TMEM38B: variants seen among roughly 807,000 people sequenced by gnomAD.
TMEM38B encodes trimeric intracellular cation channel type B.
A neutral mutation model predicts 28.7 loss-of-function variants in TMEM38B; 24 were observed. The ratio of observed to expected loss-of-function variants is 0.84; its 90% CI spans 0.61 to 1.18. The LOEUF (loss-of-function observed/expected upper bound fraction) is 1.18. TMEM38B is among the 50% of genes most tolerant of loss of function. The probability of loss-of-function intolerance (pLI) is 0.00; values close to 1 mark genes in which losing one functional copy is unlikely to be tolerated. For missense variants in TMEM38B, 380 were observed against 350.9 expected (o/e 1.08, Z -0.66); for synonymous variants, 131 against 127.7 (o/e 1.03, Z -0.17).
At chr9:105,732,042 T>C (rs1836771373) in intron 4 of TMEM38B, among the ~76,000 whole-genome samples, 1 of 152,226 alleles carries the variant, frequency 6.6e-6, no homozygotes, top group African/African-American at 2.4e-5. Flanking sequence ...TTGATTTGCA[T>C]TTCTCTCATG....
Position 105,731,377 on chromosome 9 carries a change from A to G in TMEM38B, c.542+8756A>G, listed in dbSNP as rs1836740712. Among the ~76,000 whole-genome samples, 3 of 151,952 alleles carry G rather than the reference A, an allele frequency of 2.0e-5. No individual in the cohort carries two copies. The South Asian group carries it at 6.2e-4, about 32-fold the overall frequency. On this transcript the variant is annotated intron_variant, in intron 4 of 5. Transcript: ENST00000374692. Reference sequence around the variant, plus strand: ...AAGTGCAGGTTTGTTACATATGTATACATGTGTCATGTTGGTGTGCTGCAC... The same window carrying G: ...AAGTGCAGGTTTGTTACATATGTATGCATGTGTCATGTTGGTGTGCTGCAC...
At chr9:105,762,586 C>T (rs1838102187) in intron 5 of TMEM38B, among the ~76,000 whole-genome samples, 1 of 142,952 alleles carries the variant, frequency 7.0e-6, no homozygotes, top group South Asian at 2.3e-4. Context: ...AGGACATGAA[C>T]TCATCATTTT....
intron 4 of TMEM38B, among the ~76,000 whole-genome samples, chr9:105,732,292 T>A (rs1477193564): frequency 6.6e-6 from 1 of 152,244 alleles, no homozygotes; most frequent in African/African-American, 2.4e-5. Context: ...TCTTTTGCTG[T>A]GCAGAAGCTC....
intron 4 of TMEM38B, among the ~76,000 whole-genome samples, chr9:105,728,767 C>T (rs1027211857): frequency 3.3e-5 from 5 of 152,138 alleles, no homozygotes; most frequent in Non-Finnish European, 5.9e-5. Flanking sequence ...TAATGATCGC[C>T]CTTCTGACTG....
intron 1 of TMEM38B, 29 bp from the exon 2 acceptor site, chr9:105,705,568 A>G (rs1276285929): frequency 1.2e-6 from 2 of 1,600,016 alleles, no homozygotes; most frequent in Admixed American, 3.4e-5. Context: ...TATAATGATC[A>G]CAGACCATAT....
At chr9:105,739,311 T>G (rs1837102194) in intron 4 of TMEM38B, among the ~76,000 whole-genome samples, 1 of 152,086 alleles carries the variant, frequency 6.6e-6, no homozygotes, top group Non-Finnish European at 1.5e-5. Flanking sequence ...GGTTCTTTTT[T>G]TTTTTTTTCC....
chr9:105,738,217 G>C (rs1837055411), intron 4 of TMEM38B, among the ~76,000 whole-genome samples: 1 of 152,024 alleles, frequency 6.6e-6, no homozygotes, highest in Non-Finnish European at 1.5e-5. Flanking sequence ...TACCTATGAG[G>C]TCTGCAGAAG....
At chr9:105,729,618 A>C (rs551285423) in intron 4 of TMEM38B, among the ~76,000 whole-genome samples, 1 of 152,182 alleles carries the variant, frequency 6.6e-6, no homozygotes, top group African/African-American at 2.4e-5. Context: ...TTCTGTGAAG[A>C]AAGTCATTGG....
At chr9:105,704,001 A>G (rs1033658167) in intron 1 of TMEM38B, among the ~76,000 whole-genome samples, 1 of 149,096 alleles carries the variant, frequency 6.7e-6, no homozygotes, top group African/African-American at 2.5e-5. Flanking sequence ...CAAACACCGC[A>G]TATTCTCACT....
chr9:105,748,023 A>T, intron 4 of TMEM38B, 50 bp from the exon 5 acceptor site: 1 of 1,240,694 alleles, frequency 8.1e-7, no homozygotes, highest in Non-Finnish European at 1.2e-6. Flanking sequence ...AGAAAGTTAG[A>T]GATATGTCAT....
At position 105,695,967 on chromosome 9, in the gene TMEM38B, A is replaced by G. The variant is rs571469567; in HGVS notation, c.112+1195A>G. Among the ~76,000 whole-genome samples the G allele has an allele frequency of 5.3e-5, 8 of 152,018 alleles. No individual in the cohort carries two copies. The South Asian group carries it at 1.5e-3, about 28-fold the overall frequency. On this transcript the variant is annotated intron_variant, in intron 1 of 5. Transcript: ENST00000374692. ...ACATGTTCAGAATTTGATTAAAAAA[A>G]TTTTTTTTTGTATAGGCTGAATCAG...
intron 5 of TMEM38B, among the ~76,000 whole-genome samples, chr9:105,754,055 A>T (rs920055868): frequency 6.6e-6 from 1 of 152,224 alleles, no homozygotes; most frequent in Admixed American, 6.5e-5. Flanking sequence ...AATGAAGGTA[A>T]AAAAAGACAA....
chr9:105,714,545 T>A (rs1342628284), intron 2 of TMEM38B, among the ~76,000 whole-genome samples: 1 of 152,228 alleles, frequency 6.6e-6, no homozygotes, highest in Non-Finnish European at 1.5e-5. Context: ...CAGTTTTCAG[T>A]ATAATGAACT....
chr9:105,758,176 G>T, intron 5 of TMEM38B: 1 of 636,336 alleles, frequency 1.6e-6, no homozygotes, highest in South Asian at 1.8e-5. Flanking sequence ...GGAGAGTTGG[G>T]GTGTGCCTCC....
chr9:105,730,698 A>C (rs1038556922), intron 4 of TMEM38B, among the ~76,000 whole-genome samples: 2 of 151,980 alleles, frequency 1.3e-5, no homozygotes, highest in Non-Finnish European at 2.9e-5. Context: ...CTGGTCCTGG[A>C]CTTTTTTTGG....
intron 5 of TMEM38B, chr9:105,759,075 A>G (rs972378185): frequency 2.5e-6 from 2 of 806,436 alleles, no homozygotes; most frequent in African/African-American, 3.4e-5. Flanking sequence ...ATTATCTGCC[A>G]TGAAGTGCCT....
At chr9:105,698,067 A>ATG (rs368177669) in intron 1 of TMEM38B, among the ~76,000 whole-genome samples, 1 of 98,692 alleles carries the variant, frequency 1.0e-5, no homozygotes, top group East Asian at 2.5e-4. Context: ...TCCCACGTGC[A>ATG]TAGACCTCTG....
At chr9:105,752,307 C>T (rs370802802) in intron 5 of TMEM38B, among the ~76,000 whole-genome samples, 85 of 152,286 alleles carry the variant, frequency 5.6e-4, no homozygotes, top group African/African-American at 1.9e-3. Context: ...GTGCAGCACA[C>T]CTCTACCAAA....
At chr9:105,733,814 T>C (rs2133596109) in intron 4 of TMEM38B, among the ~76,000 whole-genome samples, 1 of 152,166 alleles carries the variant, frequency 6.6e-6, no homozygotes. Flanking sequence ...TGTTGTAATG[T>C]CTCTACTTTT....
Sources: gnomAD v4.1 joint callset for allele counts (sites outside exome capture counted in the v4.1 genomes callset) on GRCh38, gnomAD v4.1.1 for gene constraint, MANE v1.5 for transcripts, NCBI Gene and HGNC (gene_info 2026-07-23, HGNC 2026-07-21) for gene names.